The following PDE6B variants were observed in gnomAD, a reference collection of about 807,000 sequenced individuals.
The protein encoded by PDE6B is rod cGMP-specific 3',5'-cyclic phosphodiesterase subunit beta.
A neutral mutation model predicts 109.0 loss-of-function variants in PDE6B; 106 were observed. That is an observed-to-expected ratio of 0.97 (90% confidence interval 0.83 to 1.14). The LOEUF is 1.14. PDE6B is among the 50% of genes most tolerant of loss of function. PDE6B has a pLI of 0.00. For missense variants in PDE6B, 1,193 were observed against 1,155.6 expected, an observed-to-expected ratio of 1.03 and a Z score of -0.47; for synonymous variants, 490 against 471.3, an observed-to-expected ratio of 1.04 and a Z score of -0.51.
chr4:661,980 G>A, intron 12 of PDE6B, 154 bp from the exon 13 acceptor site: 2 of 667,528 alleles, frequency 3.0e-6, no homozygotes, highest in Non-Finnish European at 5.5e-6. Context: ...AGGCCAGTGG[G>A]AAACGCAGGG....
chr4:665,191 G>A lies in PDE6B; in HGVS notation c.2194-64G>A, dbSNP rs111479603. 5 of 1,224,992 alleles carry A rather than the reference G, an allele frequency of 4.1e-6. No individual in the cohort carries two copies. The highest frequency in any genetic ancestry group is 4.7e-6 in the Non-Finnish European group (4 of 842,302). 75.9% of individuals were successfully genotyped at this position (1,224,992 alleles called of 1,614,324 possible). A position where few individuals can be genotyped will look rare whatever the true frequency, so the allele number is the denominator to read the frequency against. On this transcript the variant is annotated intron_variant, in intron 18 of 21. Coordinates refer to ENST00000496514, the MANE Select transcript of PDE6B (RefSeq NM_000283.4). The surrounding 1 kb of genome is among the most constrained non-coding windows in gnomAD (Gnocchi z 4.0). The stretch of plus-strand genomic sequence containing the variant: ...AGACCGAGGCTCGGAGCCTCACGGG[G>A]CGGGCCCGGGCCCTTCCGCGTGGGC...
At position 670,043 on chromosome 4, in the gene PDE6B, C is replaced by T. The variant is rs368699766; in HGVS notation, c.2504-3C>T. The T allele has an allele frequency of 1.3e-5, 21 of 1,611,578 alleles. No homozygotes were observed. Among genetic ancestry groups the T allele is most frequent in the Non-Finnish European group, 1.8e-5 (21 of 1,178,234 alleles). On this transcript the variant is annotated splice_polypyrimidine_tract_variant and splice_region_variant and intron_variant, in intron 21 of 21. Transcript: ENST00000496514. Reference sequence around the variant, plus strand: ...ACTCACCATCTTCTGTCTTCTCTTGCAGTAGGCACAGAAATTTGCAATGGC... The same window carrying T: ...ACTCACCATCTTCTGTCTTCTCTTGTAGTAGGCACAGAAATTTGCAATGGC...
At chr4:644,169 G>A (rs551476593) in intron 3 of PDE6B, among the ~76,000 whole-genome samples, 8 of 151,620 alleles carry the variant, frequency 5.3e-5, no homozygotes, top group Non-Finnish European at 7.4e-5. Context: ...TGCCCGCCTC[G>A]GCCTCCCAAA....
Position 658,987 on chromosome 4 carries a change from C to G in PDE6B, c.1437C>G (p.Asp479Glu), listed in dbSNP as rs766408864. The G allele has an allele frequency of 2.5e-6, 4 of 1,613,610 alleles. No individual in the cohort carries two copies. Among genetic ancestry groups the G allele is most frequent in the Non-Finnish European group, 3.4e-6 (4 of 1,179,800 alleles). The change falls in exon 11 of 22, where the codon GAC becomes GAG. Residue 479 changes from aspartate to glutamate, a missense_variant. Asp to Glu is a conservative substitution (Grantham distance 45). Transcript: ENST00000496514. ...CGCGCCTGGGGAAGGAGCCTGCTGA[C>G]TGCGATGAGGACGAGCTGGGCGAAA... ...TRARLGKEPA[D>E]CDEDELGEIL... is the part of the protein sequence containing the mutation.
rs371970015 is a variant in PDE6B at position 668,499 on chromosome 4, T to G, written c.2503+493T>G. Among the ~76,000 whole-genome samples the G allele has an allele frequency of 4.7e-5, 6 of 128,942 alleles. No homozygotes were observed. The East Asian group carries it at 1.4e-3, about 29-fold the overall frequency. The allele number at this position is 128,942 out of a possible 152,430, so 84.6% of individuals were successfully genotyped here. On this transcript the variant is annotated intron_variant, in intron 21 of 21. Transcript: ENST00000496514. ...CCATGCTGCTCCCACTACCCCATGC[T>G]ATTCCCCTACCCCATGCTAGTACCA...
In PDE6B at chr4:636,119, C is replaced by A. The variant is rs1434739099; in HGVS notation, c.711+150C>A. The A allele has an allele frequency of 3.1e-6, 2 of 653,532 alleles. No homozygotes were observed. The highest frequency in any genetic ancestry group is 5.6e-6 in the Non-Finnish European group (2 of 359,724). The allele number at this position is 653,532 out of a possible 1,614,324, so 40.5% of individuals were successfully genotyped here. A position where few individuals can be genotyped will look rare whatever the true frequency, so the allele number is the denominator to read the frequency against. ...CATTGCTCAGGGGAGAGGAGGGCTC[C>A]ATGGCTTCTGTGGCTGTGCTGAGCT... is the stretch of plus-strand genomic sequence containing the variant. On this transcript the variant is annotated intron_variant, in intron 3 of 21. Coordinates refer to ENST00000496514, the MANE Select transcript of PDE6B (RefSeq NM_000283.4). The surrounding 1 kb of genome is among the most constrained non-coding windows in gnomAD (Gnocchi z 4.5).
At position 663,152 on chromosome 4, in the gene PDE6B, C is replaced by T. The variant is rs1427162687; in HGVS notation, c.1885C>T (p.His629Tyr). Reference sequence around the variant, plus strand: ...CGGCTCCTCGATTTTGGAGCGGCACCACCTGGAGTTTGGGAAGTTCCTGCT... The same window carrying T: ...CGGCTCCTCGATTTTGGAGCGGCACTACCTGGAGTTTGGGAAGTTCCTGCT... ...LHGSSILERH[H>Y]LEFGKFLLSE... Residue 629 changes from histidine (H) to tyrosine (Y), a missense_variant, in exon 15 of 22, where the codon CAC becomes TAC. His to Tyr is a moderately conservative substitution (Grantham distance 83). Coordinates refer to ENST00000496514, the MANE Select transcript of PDE6B (RefSeq NM_000283.4). The surrounding 1 kb of genome is among the most constrained non-coding windows in gnomAD (Gnocchi z 4.0). 6.2e-7 allele frequency: 1 copy of T among 1,611,692 alleles called. No individual in the cohort carries two copies. Among genetic ancestry groups the T allele is most frequent in the African/African-American group, 1.3e-5 (1 of 75,006 alleles).
At chr4:656,495 G>C (rs906398698) in intron 8 of PDE6B, among the ~76,000 whole-genome samples, 3 of 151,692 alleles carry the variant, frequency 2.0e-5, no homozygotes, top group African/African-American at 7.3e-5. Context: ...ACACACGCCC[G>C]CAAGGCCGTG....
chr4:663,812 C>T lies in PDE6B; in HGVS notation c.1963C>T (p.His655Tyr), dbSNP rs751093662. The T allele has an allele frequency of 1.9e-6, 3 of 1,612,278 alleles. No individual in the cohort carries two copies. Among genetic ancestry groups the T allele is most frequent in the African/African-American group, 1.3e-5 (1 of 75,044 alleles). ...GAACCTGAACCGGCGGCAGCACGAG[C>T]ACGTGATCCACCTGATGGACATCGC... The part of the protein sequence containing the change: ...YQNLNRRQHE[H>Y]VIHLMDIAII... Residue 655 changes from histidine to tyrosine, a missense_variant, in exon 16 of 22, where the codon CAC becomes TAC. Physicochemically the swap from His to Tyr is moderately conservative, Grantham distance 83. Coordinates refer to ENST00000496514, the MANE Select transcript of PDE6B (RefSeq NM_000283.4). The surrounding 1 kb of genome is among the most constrained non-coding windows in gnomAD (Gnocchi z 4.0).
chr4:635,873 G>A lies in PDE6B; in HGVS notation c.622-7G>A, dbSNP rs936269912. 3.5e-6 allele frequency: 5 copies of A among 1,439,114 alleles called. No homozygotes were observed. The African/African-American group carries it at 5.6e-5, about 16-fold the overall frequency. The allele number at this position is 1,439,114 out of a possible 1,614,324, so 89.1% of individuals were successfully genotyped here. ...TTTAATTCCTCTTGTTGCAATTCCT[G>A]TTTCAGGTGTTCTTGAAGTACCTGA... On this transcript the variant is annotated splice_polypyrimidine_tract_variant and splice_region_variant and intron_variant, in intron 2 of 21. Transcript: ENST00000496514.
intron 6 of PDE6B, chr4:655,704 C>T (rs1736140253): frequency 1.6e-6 from 1 of 624,138 alleles, no homozygotes; most frequent in Non-Finnish European, 2.9e-6. Context: ...CCCCCAGACC[C>T]CTGCACACAC....
intron 10 of PDE6B, 32 bp downstream of exon 10, chr4:657,526 C>T (rs950669420): frequency 3.4e-6 from 5 of 1,453,348 alleles, no homozygotes; most frequent in Non-Finnish European, 3.8e-6. Context: ...AGGGGTCACC[C>T]AGGGGTCACG....
At position 665,415 on chromosome 4, in the gene PDE6B, G is replaced by A. The variant is rs781780649; in HGVS notation, c.2268+86G>A. ...CTCAGGAGCCTCAGGTCCTGGCTTG[G>A]TCTCAGGCAGGGGGTTCTGAGGTCG... is the stretch of plus-strand genomic sequence containing the variant. On this transcript the variant is annotated intron_variant, in intron 19 of 21. Transcript: ENST00000496514. The surrounding 1 kb of genome is among the most constrained non-coding windows in gnomAD (Gnocchi z 4.0). 4.3e-6 allele frequency: 4 copies of A among 921,594 alleles called. No individual in the cohort carries two copies. The highest frequency in any genetic ancestry group is 1.6e-5 in the African/African-American group (1 of 61,886). 57.1% of individuals were successfully genotyped at this position (921,594 alleles called of 1,614,324 possible). A position where few individuals can be genotyped will look rare whatever the true frequency, so the allele number is the denominator to read the frequency against.
chr4:669,552 C>T (rs576597696), intron 21 of PDE6B, among the ~76,000 whole-genome samples: 2 of 79,246 alleles, frequency 2.5e-5, no homozygotes, highest in East Asian at 2.9e-4. Context: ...ATTCCCGCTA[C>T]GCCATGCTAT....
chr4:654,808 G>A lies in PDE6B; in HGVS notation c.928-16G>A. On this transcript the variant is annotated splice_polypyrimidine_tract_variant and intron_variant, in intron 5 of 21. Coordinates refer to ENST00000496514, the MANE Select transcript of PDE6B (RefSeq NM_000283.4). Reference sequence around the variant, plus strand: ...TTGGCCAGGCAGCCCCCCGACCAGTGTCTTCTGCTTCTCAGGAAATTGTCT... The same window carrying A: ...TTGGCCAGGCAGCCCCCCGACCAGTATCTTCTGCTTCTCAGGAAATTGTCT... 1.4e-6 allele frequency: 2 copies of A among 1,435,718 alleles called. No homozygotes were observed. Among genetic ancestry groups the A allele is most frequent in the South Asian group, 2.3e-5 (2 of 87,476 alleles). 88.9% of individuals were successfully genotyped at this position (1,435,718 alleles called of 1,614,324 possible). A position where few individuals can be genotyped will look rare whatever the true frequency, so the allele number is the denominator to read the frequency against.
chr4:655,496 C>A, intron 6 of PDE6B: 1 of 337,802 alleles, frequency 3.0e-6, no homozygotes. Flanking sequence ...ACGCTGAGTC[C>A]TAGAAAGCAG....
At chr4:642,189 C>CAGCT (rs201099695) in intron 3 of PDE6B, among the ~76,000 whole-genome samples, 1,755 of 152,142 alleles carry the variant, frequency 0.012, 22 homozygotes, top group South Asian at 0.037. Flanking sequence ...TGACATCACC[C>CAGCT]AGCTGGGCAT....
At position 653,934 on chromosome 4, in the gene PDE6B, G is replaced by C; in HGVS notation, c.794G>C (p.Arg265Pro). ...RQFHKAFYTV[R>P]AYLNCERYSV... ...TTCCACAAGGCCTTCTACACGGTGC[G>C]GGCCTACCTCAACTGCGAGCGGTAC... The change falls in exon 4 of 22, where the codon CGG becomes CCG. Residue 265 changes from arginine to proline, a missense_variant. Physicochemically the swap from Arg to Pro is moderately radical, Grantham distance 103. Coordinates refer to ENST00000496514, the MANE Select transcript of PDE6B (RefSeq NM_000283.4). 1 of 1,613,788 alleles carries C rather than the reference G, an allele frequency of 6.2e-7. No homozygotes were observed.
chr4:655,247 C>A, intron 6 of PDE6B: 1 of 359,414 alleles, frequency 2.8e-6, no homozygotes, highest in Non-Finnish European at 5.3e-6. Flanking sequence ...CAGCCCCACC[C>A]AGACAGTGGA....
Sources: gnomAD v4.1 joint callset for allele counts (sites outside exome capture counted in the v4.1 genomes callset) on GRCh38, gnomAD v4.1.1 for gene constraint, Gnocchi (gnomAD v3.1) non-coding constraint, MANE v1.5 for transcripts, NCBI Gene and HGNC (gene_info 2026-07-23, HGNC 2026-07-21) for gene names.